Variants in SLC26A5 observed in about 807,000 individuals in gnomAD.
SLC26A5 encodes prestin.
SLC26A5 carries 51 observed loss-of-function variants against 81.0 expected under a neutral mutation model. The ratio of observed to expected loss-of-function variants is 0.63; its 90% CI spans 0.50 to 0.80. The LOEUF (loss-of-function observed/expected upper bound fraction) is 0.80, where lower values mean the gene tolerates loss of function less well. Ranked by LOEUF, SLC26A5 falls within the 30% of genes least tolerant of loss-of-function variation. The pLI is 0.00. For missense variants in SLC26A5, 771 were observed against 905.8 expected (o/e 0.85, Z 1.91); for synonymous variants, 325 against 332.8 (o/e 0.98, Z 0.25).
At chr7:103,386,951 G>A (rs1274550684) in intron 14 of SLC26A5, among the ~76,000 whole-genome samples, 1 of 151,956 alleles carries the variant, frequency 6.6e-6, no homozygotes, top group Non-Finnish European at 1.5e-5. Context: ...TAGTAGAGAT[G>A]AGGGTTTGCC....
At chr7:103,428,658 G>T (rs753952949) in intron 2 of SLC26A5, among the ~76,000 whole-genome samples, 2 of 150,692 alleles carry the variant, frequency 1.3e-5, no homozygotes, top group African/African-American at 2.5e-5. Context: ...CACCTCCCAG[G>T]TTCAAGCGAT....
intron 10 of SLC26A5, among the ~76,000 whole-genome samples, 179 bp downstream of exon 10, chr7:103,392,740 G>A (rs528864729): frequency 6.6e-6 from 1 of 152,244 alleles, no homozygotes; most frequent in African/African-American, 2.4e-5. Context: ...ACCATGCCCG[G>A]CTAATTTTTT....
intron 2 of SLC26A5, among the ~76,000 whole-genome samples, chr7:103,426,178 A>C (rs531341561): frequency 1.9e-4 from 29 of 152,198 alleles, no homozygotes; most frequent in Non-Finnish European, 3.5e-4. Flanking sequence ...TTCTCACAAC[A>C]AAAGAGAGTT....
At chr7:103,366,218 AAGTG>A (rs878996804) in intron 19 of SLC26A5, 2 of 1,450,000 alleles carry the variant, frequency 1.4e-6, no homozygotes. Context: ...GAAAGCTGTA[AAGTG>A]ATATGTCGTG....
chr7:103,428,558 C>CTTT (rs10592922), intron 2 of SLC26A5, among the ~76,000 whole-genome samples: 1 of 118,086 alleles, frequency 8.5e-6, no homozygotes. Flanking sequence ...CCTGCCAGTA[C>CTTT]TTTTTTTTTT....
intron 19 of SLC26A5, among the ~76,000 whole-genome samples, chr7:103,362,982 C>T (rs1005451367): frequency 9.2e-5 from 14 of 151,676 alleles, no homozygotes; most frequent in African/African-American, 1.9e-4. Context: ...TTAGTAGAGA[C>T]GGTGTTTCAC....
At chr7:103,415,931 T>A (rs1025252991) in intron 4 of SLC26A5, among the ~76,000 whole-genome samples, 1 of 152,210 alleles carries the variant, frequency 6.6e-6, no homozygotes, top group African/African-American at 2.4e-5. Context: ...TGATGGGACA[T>A]CAGGCTTGAT....
At chr7:103,423,099 T>TAAA (rs564122483) in intron 2 of SLC26A5, among the ~76,000 whole-genome samples, 11 of 87,822 alleles carry the variant, frequency 1.3e-4, no homozygotes, top group Admixed American at 2.5e-4. Flanking sequence ...CTGCCTCTAC[T>TAAA]AAAAAAAAAA....
intron 2 of SLC26A5, among the ~76,000 whole-genome samples, chr7:103,431,110 G>A (rs1022508229): frequency 2.0e-5 from 3 of 152,108 alleles, no homozygotes; most frequent in Non-Finnish European, 2.9e-5. Flanking sequence ...GTGGTGCTTA[G>A]GTTTGAATGA....
At chr7:103,383,677 CTTAT>C (rs1489953335) in intron 14 of SLC26A5, among the ~76,000 whole-genome samples, 1 of 152,000 alleles carries the variant, frequency 6.6e-6, no homozygotes, top group Admixed American at 6.6e-5. Flanking sequence ...TTATTATTTA[CTTAT>C]TTATTTTTTT....
intron 19 of SLC26A5, among the ~76,000 whole-genome samples, chr7:103,358,954 A>G (rs543817814): frequency 2.0e-5 from 3 of 151,752 alleles, no homozygotes; most frequent in African/African-American, 7.2e-5. Context: ...ACTCTTGATA[A>G]AATTTGTGTA....
intron 19 of SLC26A5, among the ~76,000 whole-genome samples, chr7:103,364,958 C>CAT (rs59914167): frequency 0.017 from 2,122 of 125,314 alleles, 67 homozygotes; most frequent in African/African-American, 0.056. Flanking sequence ...TGTAGACATA[C>CAT]ATATATATAT....
intron 4 of SLC26A5, among the ~76,000 whole-genome samples, chr7:103,415,393 C>T (rs1677237426): frequency 6.6e-6 from 1 of 152,196 alleles, no homozygotes; most frequent in African/African-American, 2.4e-5. Context: ...CTCCATTTTC[C>T]TAAATCATCA....
At chr7:103,357,562 T>C (rs1389440579) in intron 19 of SLC26A5, among the ~76,000 whole-genome samples, 1 of 152,204 alleles carries the variant, frequency 6.6e-6, no homozygotes, top group Non-Finnish European at 1.5e-5. Context: ...GATTTTGTTT[T>C]GTTTCCTCTG....
At chr7:103,371,196 C>A (rs1821009804), downstream of SLC26A5, among the ~76,000 whole-genome samples, 1 of 152,066 alleles carries the variant, frequency 6.6e-6, no homozygotes, top group Admixed American at 6.6e-5. Context: ...AGTGATAAAA[C>A]AAAAATATAT....
intron 14 of SLC26A5, 125 bp from the exon 15 acceptor site, chr7:103,380,674 G>A (rs1487909048): frequency 2.4e-6 from 2 of 827,760 alleles, no homozygotes; most frequent in African/African-American, 1.7e-5. Context: ...ATCCTTACAT[G>A]GTGCCTTTGC....
chr7:103,445,688 A>G (rs1827251969), intron 1 of SLC26A5: 1 of 152,324 alleles, frequency 6.6e-6, no homozygotes, highest in Non-Finnish European at 1.5e-5. Context: ...CGTCTCCGGA[A>G]AGAGGGCCAG....
intron 19 of SLC26A5, chr7:103,355,871 C>T: frequency 2.1e-6 from 2 of 942,316 alleles, no homozygotes; most frequent in Non-Finnish European, 3.1e-6. Flanking sequence ...AGGGATAATG[C>T]AATAGTTCAT....
intron 19 of SLC26A5, chr7:103,362,558 T>C (rs2116230602): frequency 7.1e-7 from 1 of 1,416,418 alleles, no homozygotes; most frequent in South Asian, 1.3e-5. Flanking sequence ...TTATTTCTCT[T>C]TATATAATTA....
Sources: allele counts gnomAD v4.1 joint callset (sites outside exome capture counted in the v4.1 genomes callset), GRCh38; gene constraint gnomAD v4.1.1; transcripts MANE v1.5; gene names NCBI Gene and HGNC (gene_info 2026-07-23, HGNC 2026-07-21).